GABRG3: variants seen among roughly 807,000 people sequenced by gnomAD.
GABRG3 encodes gamma-aminobutyric acid type A receptor subunit gamma3.
In GABRG3, 25 loss-of-function variants were observed where a neutral mutation model predicts 48.8. The ratio of observed to expected loss-of-function variants is 0.51; its 90% CI spans 0.37 to 0.72. The LOEUF (loss-of-function observed/expected upper bound fraction) is 0.72. GABRG3 is among the 30% of genes least tolerant of loss of function. The probability of loss-of-function intolerance (pLI) is 0.00; values close to 1 mark genes in which losing one functional copy is unlikely to be tolerated. For missense variants in GABRG3, 394 were observed against 577.9 expected, an observed-to-expected ratio of 0.68 and a Z score of 3.26; for synonymous variants, 227 against 217.6, an observed-to-expected ratio of 1.04 and a Z score of -0.38.
At chr15:27,200,098 C>A (rs1419360567) in intron 3 of GABRG3, among the ~76,000 whole-genome samples, 1 of 152,026 alleles carries the variant, frequency 6.6e-6, no homozygotes, top group Non-Finnish European at 1.5e-5. Context: ...TTTGCCTCTG[C>A]CTCTTCCAAA....
chr15:27,091,590 G>A (rs1234848153), intron 3 of GABRG3, among the ~76,000 whole-genome samples: 2 of 152,138 alleles, frequency 1.3e-5, no homozygotes, highest in Admixed American at 6.5e-5. Flanking sequence ...CTATCTGATC[G>A]TGGGCTTTTC....
rs1036788275 is a variant in GABRG3 at position 27,075,754 on chromosome 15, T to A, written c.270+48933T>A. 2.6e-5 allele frequency among the ~76,000 whole-genome samples: 4 copies of A among 152,288 alleles called. No homozygotes were observed. The East Asian group carries it at 7.7e-4, about 29-fold the overall frequency. On this transcript the variant is annotated intron_variant, in intron 3 of 9. Transcript: ENST00000615808. Reference sequence around the variant, plus strand: ...CATTTTGTTGAGGAAGAGGTGGATTTTCTATGGAGGTATCAGGATGGCTCC... The same window carrying A: ...CATTTTGTTGAGGAAGAGGTGGATTATCTATGGAGGTATCAGGATGGCTCC...
chr15:27,146,049 TAAAA>T (rs1312401346), intron 3 of GABRG3, among the ~76,000 whole-genome samples: 3 of 151,666 alleles, frequency 2.0e-5, no homozygotes, highest in Non-Finnish European at 4.4e-5. Context: ...ACATCCCAAA[TAAAA>T]AAGAAAAAAC....
At chr15:27,481,607 G>A (rs1890102832) in intron 6 of GABRG3, among the ~76,000 whole-genome samples, 1 of 152,098 alleles carries the variant, frequency 6.6e-6, no homozygotes, top group South Asian at 2.1e-4. Flanking sequence ...TATCTTTAAA[G>A]CCCAGTCTTA....
rs558148526 is a variant in GABRG3 at position 27,265,314 on chromosome 15, T to C, written c.271-61495T>C. Among the ~76,000 whole-genome samples the C allele has an allele frequency of 1.7e-4, 26 of 152,216 alleles. No homozygotes were observed. The South Asian group carries it at 3.3e-3, about 19-fold the overall frequency. On this transcript the variant is annotated intron_variant, in intron 3 of 9. Transcript: ENST00000615808. ...GTTGAAAATGAAACGCAAAAACAAG[T>C]CATATTAAAAATAAAAACTTCTACT...
intron 5 of GABRG3, chr15:27,428,091 G>A (rs1292435493): frequency 2.6e-5 from 4 of 153,090 alleles, no homozygotes; most frequent in Non-Finnish European, 5.8e-5. Context: ...GTCTTGCTAT[G>A]TTGCCCAGGC....
chr15:27,191,579 A>G (rs553849236), intron 3 of GABRG3, among the ~76,000 whole-genome samples: 1 of 152,164 alleles, frequency 6.6e-6, no homozygotes, highest in Non-Finnish European at 1.5e-5. Flanking sequence ...TGCTTGGTAG[A>G]TCTTCCTCCA....
chr15:27,304,409 T>TA (rs574251822), intron 3 of GABRG3, among the ~76,000 whole-genome samples: 3 of 151,978 alleles, frequency 2.0e-5, no homozygotes, highest in Admixed American at 6.6e-5. Flanking sequence ...TTTATTTTTT[T>TA]AAAAAAATCA....
At chr15:27,219,268 G>A (rs906523449) in intron 3 of GABRG3, among the ~76,000 whole-genome samples, 2 of 152,144 alleles carry the variant, frequency 1.3e-5, no homozygotes. Context: ...TGGCCTCAGG[G>A]CGGGCTGGCC....
chr15:27,469,984 G>A (rs978563208), intron 5 of GABRG3, among the ~76,000 whole-genome samples: 17 of 152,114 alleles, frequency 1.1e-4, no homozygotes, highest in African/African-American at 3.1e-4. Flanking sequence ...CAGATTCATC[G>A]GACGCTGTGA....
chr15:27,198,634 T>G (rs1888584204), intron 3 of GABRG3, among the ~76,000 whole-genome samples: 1 of 152,122 alleles, frequency 6.6e-6, no homozygotes, highest in Non-Finnish European at 1.5e-5. Flanking sequence ...GACCCAGCAA[T>G]CCCATTACTG....
At chr15:27,137,097 T>C (rs919505716) in intron 3 of GABRG3, among the ~76,000 whole-genome samples, 1 of 152,228 alleles carries the variant, frequency 6.6e-6, no homozygotes, top group African/African-American at 2.4e-5. Flanking sequence ...GTTATCTTAA[T>C]GCTCTGGGCC....
rs1595604077 is a variant in GABRG3, at chr15:27,236,655, C to T, written c.271-90154C>T. ...AATACACCTGTTCCTGATTAGAGAC[C>T]ACCAGCCACAGAGTGGCTCTGACCA... On this transcript the variant is annotated intron_variant, in intron 3 of 9. Coordinates refer to ENST00000615808, the MANE Select transcript of GABRG3 (RefSeq NM_033223.5). This position sits in a 1 kb window ranked among gnomAD's most constrained non-coding sequence, Gnocchi z 4.4. 6.6e-6 allele frequency among the ~76,000 whole-genome samples: 1 copy of T among 152,290 alleles called. No individual in the cohort carries two copies. The highest frequency in any genetic ancestry group is 1.9e-4 in the East Asian group (1 of 5,172).
At chr15:27,192,585 T>C (rs1199753613) in intron 3 of GABRG3, among the ~76,000 whole-genome samples, 1 of 152,228 alleles carries the variant, frequency 6.6e-6, no homozygotes, top group Non-Finnish European at 1.5e-5. Flanking sequence ...TCAGCTCCTT[T>C]AAGCAATTCT....
chr15:27,221,921 T>G (rs537479940), intron 3 of GABRG3, among the ~76,000 whole-genome samples: 1 of 152,232 alleles, frequency 6.6e-6, no homozygotes, highest in Admixed American at 6.5e-5. Flanking sequence ...TGTCCCCAAA[T>G]GGGCTACATG....
At chr15:27,265,363 TAAC>T (rs1237525608) in intron 3 of GABRG3, among the ~76,000 whole-genome samples, 1 of 152,186 alleles carries the variant, frequency 6.6e-6, no homozygotes, top group East Asian at 1.9e-4. Context: ...AATACTCTCA[TAAC>T]AACCAGCCGT....
At chr15:27,432,670 G>A (rs1888491789) in intron 5 of GABRG3, among the ~76,000 whole-genome samples, 2 of 152,120 alleles carry the variant, frequency 1.3e-5, no homozygotes. Context: ...AGCATCTTTA[G>A]CAATCTGGAT....
rs1334304808 is a variant in GABRG3, at chr15:27,532,987, A to G, written c.*106A>G. The G allele has an allele frequency of 1.9e-6, 2 of 1,045,704 alleles. No individual in the cohort carries two copies. Among genetic ancestry groups the G allele is most frequent in the Non-Finnish European group, 1.4e-6 (1 of 728,314 alleles). 64.8% of individuals were successfully genotyped at this position (1,045,704 alleles called of 1,614,324 possible). On this transcript the variant is annotated 3_prime_UTR_variant, in exon 10 of 10. Coordinates refer to ENST00000615808, the MANE Select transcript of GABRG3 (RefSeq NM_033223.5). ...GGAGTAGCAAGGAAGGACACTGCCC[A>G]GTGTATCTTGTTATAAATGACCTTT...
At chr15:27,202,953 G>A (rs1380633652) in intron 3 of GABRG3, among the ~76,000 whole-genome samples, 3 of 151,878 alleles carry the variant, frequency 2.0e-5, no homozygotes, top group African/African-American at 4.8e-5. Flanking sequence ...CTCTCCTAAC[G>A]GTTACACAGT....
Sources: allele counts gnomAD v4.1 joint callset (sites outside exome capture counted in the v4.1 genomes callset), GRCh38; gene constraint gnomAD v4.1.1; non-coding constraint Gnocchi (gnomAD v3.1); transcripts MANE v1.5; gene names NCBI Gene and HGNC (gene_info 2026-07-23, HGNC 2026-07-21).